CAMTA1: variants seen among roughly 807,000 people sequenced by gnomAD.
The protein encoded by CAMTA1 is calmodulin-binding transcription activator 1.
In CAMTA1, 27 loss-of-function variants were observed where a neutral mutation model predicts 170.9. The ratio of observed to expected loss-of-function variants is 0.16; its 90% CI spans 0.12 to 0.22. CAMTA1 has a LOEUF of 0.22. Among genes scored for constraint, CAMTA1 ranks in the 10% least tolerant of loss-of-function variants. The probability of loss-of-function intolerance (pLI) is 1.00; values close to 1 mark genes in which losing one functional copy is unlikely to be tolerated. For synonymous variants in CAMTA1, 833 were observed against 891.5 expected, an observed-to-expected ratio of 0.93 and a Z score of 1.17; for missense variants, 1,619 against 2,217.2, an observed-to-expected ratio of 0.73 and a Z score of 5.42.
chr1:6,834,593 T>C, intron 3 of CAMTA1: 1 of 174,428 alleles, frequency 5.7e-6, no homozygotes, highest in Non-Finnish European at 1.2e-5. Flanking sequence ...ATTGCAACAC[T>C]TTCCAAACGG....
chr1:6,936,727 G>A (rs1034835248), intron 3 of CAMTA1, among the ~76,000 whole-genome samples: 59 of 152,242 alleles, frequency 3.9e-4, no homozygotes, highest in African/African-American at 1.3e-3. Context: ...GGTGACTCAC[G>A]CCTGTAATCC....
At chr1:7,210,094 T>G (rs1228594311) in intron 4 of CAMTA1, among the ~76,000 whole-genome samples, 3 of 152,240 alleles carry the variant, frequency 2.0e-5, no homozygotes, top group African/African-American at 4.8e-5. Context: ...AAAATAGTAC[T>G]AATGCAATAG....
In CAMTA1 at chr1:7,609,647, C is replaced by T. The variant is rs2095510284; in HGVS notation, c.511-30753C>T. ...TGTCACCCATGTCCTGGTGACCTTG[C>T]TGAGGACATTGGAGCTCCAGCCTCA... On this transcript the variant is annotated intron_variant, in intron 6 of 22. Coordinates refer to ENST00000303635, the MANE Select transcript of CAMTA1 (RefSeq NM_015215.4). This position sits in a 1 kb window ranked among gnomAD's most constrained non-coding sequence, Gnocchi z 4.4. Among the ~76,000 whole-genome samples, 1 of 152,204 alleles carries T rather than the reference C, an allele frequency of 6.6e-6. No homozygotes were observed. The highest frequency in any genetic ancestry group is 1.9e-4 in the East Asian group (1 of 5,188).
intron 6 of CAMTA1, among the ~76,000 whole-genome samples, chr1:7,499,440 A>G (rs200960820): frequency 5.7e-4 from 10 of 17,406 alleles, no homozygotes; most frequent in African/African-American, 1.2e-3. Flanking sequence ...CCTGGTGTGC[A>G]TATGTATATG....
intron 5 of CAMTA1, among the ~76,000 whole-genome samples, chr1:7,397,407 G>A (rs2089411315): frequency 6.6e-6 from 1 of 151,912 alleles, no homozygotes; most frequent in Non-Finnish European, 1.5e-5. Context: ...CTAGAGAACA[G>A]TTTGTTGATT....
intron 5 of CAMTA1, among the ~76,000 whole-genome samples, chr1:7,432,053 G>A (rs2092185204): frequency 2.0e-5 from 3 of 152,232 alleles, no homozygotes; most frequent in African/African-American, 4.8e-5. Flanking sequence ...CAGTTCTGGA[G>A]AACAAGACAT....
intron 5 of CAMTA1, among the ~76,000 whole-genome samples, chr1:7,445,039 C>T (rs2092643580): frequency 6.9e-6 from 1 of 145,362 alleles, no homozygotes; most frequent in Non-Finnish European, 1.5e-5. Context: ...GCCTCCCTAG[C>T]ACGGGGTAGG....
chr1:6,818,713 A>C (rs1646125007), intron 1 of CAMTA1, among the ~76,000 whole-genome samples: 1 of 152,138 alleles, frequency 6.6e-6, no homozygotes, highest in Admixed American at 6.5e-5. Context: ...ATCATGGCTC[A>C]CTGCAGCCTC....
chr1:7,350,650 C>G (rs1246481575), intron 5 of CAMTA1, among the ~76,000 whole-genome samples: 1 of 152,056 alleles, frequency 6.6e-6, no homozygotes, highest in African/African-American at 2.4e-5. Flanking sequence ...AATCTGTCTG[C>G]CAGGACTTCT....
intron 11 of CAMTA1, among the ~76,000 whole-genome samples, chr1:7,724,755 G>A (rs1484804912): frequency 1.3e-5 from 2 of 150,994 alleles, no homozygotes; most frequent in East Asian, 1.9e-4. Flanking sequence ...CCCAGGAGGC[G>A]GAGGTTGCAG....
At chr1:7,607,250 G>A (rs1448833432) in intron 6 of CAMTA1, among the ~76,000 whole-genome samples, 2 of 151,724 alleles carry the variant, frequency 1.3e-5, no homozygotes, top group Non-Finnish European at 2.9e-5. Flanking sequence ...ATGGATGGGT[G>A]AATGGGTGGG....
chr1:7,672,084 C>T (rs2096065054), intron 10 of CAMTA1: 1 of 456,072 alleles, frequency 2.2e-6, no homozygotes, highest in Non-Finnish European at 4.4e-6. Flanking sequence ...CCAGTGAGCC[C>T]TGACCATAAA....
chr1:7,031,199 G>A (rs1187442579), intron 3 of CAMTA1, among the ~76,000 whole-genome samples: 1 of 151,884 alleles, frequency 6.6e-6, no homozygotes, highest in African/African-American at 2.4e-5. Flanking sequence ...TTGTAGATTT[G>A]TCTATTTCTT....
chr1:7,116,913 A>G (rs1644367849), intron 4 of CAMTA1, among the ~76,000 whole-genome samples: 1 of 151,468 alleles, frequency 6.6e-6, no homozygotes. Flanking sequence ...CGGCCTCCCA[A>G]AGTGCTGGGA....
At chr1:6,997,199 A>G (rs1697396021) in intron 3 of CAMTA1, among the ~76,000 whole-genome samples, 1 of 152,138 alleles carries the variant, frequency 6.6e-6, no homozygotes, top group African/African-American at 2.4e-5. Context: ...TCTCTGTTGG[A>G]CGAATTTTCC....
At chr1:7,051,377 A>G (rs1706326275) in intron 3 of CAMTA1, among the ~76,000 whole-genome samples, 1 of 152,190 alleles carries the variant, frequency 6.6e-6, no homozygotes, top group South Asian at 2.1e-4. Flanking sequence ...ACCTACCGCT[A>G]CTGCAGACTC....
At chr1:6,903,989 C>T (rs1677702804) in intron 3 of CAMTA1, among the ~76,000 whole-genome samples, 1 of 152,174 alleles carries the variant, frequency 6.6e-6, no homozygotes, top group East Asian at 1.9e-4. Flanking sequence ...CAGTTTATTC[C>T]TCTCTCTTGA....
At chr1:7,478,092 CT>C (rs2093450930) in intron 6 of CAMTA1, among the ~76,000 whole-genome samples, 1 of 152,208 alleles carries the variant, frequency 6.6e-6, no homozygotes, top group Non-Finnish European at 1.5e-5. Context: ...ACACAGAGGT[CT>C]TTTGGACTCG....
chr1:6,929,182 C>T (rs1041507788), intron 3 of CAMTA1, among the ~76,000 whole-genome samples: 2 of 151,958 alleles, frequency 1.3e-5, no homozygotes, highest in Admixed American at 6.6e-5. Flanking sequence ...TGTTTTGTTT[C>T]GTTTCGTTTC....
Sources: allele counts gnomAD v4.1 joint callset (sites outside exome capture counted in the v4.1 genomes callset), GRCh38; gene constraint gnomAD v4.1.1; non-coding constraint Gnocchi (gnomAD v3.1); transcripts MANE v1.5; gene names NCBI Gene and HGNC (gene_info 2026-07-23, HGNC 2026-07-21).